Variants in ZNF730 observed in about 807,000 individuals in gnomAD.
ZNF730 encodes the protein zinc finger protein 730.
A neutral mutation model predicts 12.6 loss-of-function variants in ZNF730; 12 were observed. That is an observed-to-expected ratio of 0.95 (90% CI 0.61 to 1.54). ZNF730 has a LOEUF of 1.54. Ranked by LOEUF, ZNF730 falls within the 40% of genes most tolerant of loss-of-function variation. The pLI is 0.00. For synonymous variants in ZNF730, 194 were observed against 195.8 expected (o/e 0.99, Z 0.08); for missense variants, 643 against 583.5 (o/e 1.10, Z -1.05).
chr19:23,134,256 T>G, intron 2 of ZNF730, 50 bp downstream of exon 2: 1 of 1,429,656 alleles, frequency 7.0e-7, no homozygotes, highest in Middle Eastern at 1.8e-4. Flanking sequence ...TAGATTTCAT[T>G]TATTTTTGTA....
At position 23,118,322 on chromosome 19, in the gene ZNF730, CA is replaced by C. The variant is rs531781350; in HGVS notation, c.3+1147del. ...CTCTTTTTCTTTTGTCTCCCCTAGG[CA>C]CAGAGATCTTGTGAAAGTGTTTTGG... On this transcript the variant is annotated intron_variant, in intron 1 of 3. Transcript: ENST00000597761. Among the ~76,000 whole-genome samples the C allele has an allele frequency of 9.3e-4, 141 of 151,516 alleles. 5 individuals are homozygous for C. In the South Asian group the frequency reaches 0.018, roughly 20 times the overall value.
chr19:23,122,667 G>C lies in ZNF730; in HGVS notation c.3+5491G>C, dbSNP rs1284273618. ...ATAGTGGAATCTGTAGGTGGACTTTGGTTTCTGTTACTTCAGAACAATTAG... is the reference window on the plus strand; with the variant it reads ...ATAGTGGAATCTGTAGGTGGACTTTCGTTTCTGTTACTTCAGAACAATTAG... On this transcript the variant is annotated intron_variant, in intron 1 of 3. Transcript: ENST00000597761. Among the ~76,000 whole-genome samples the C allele has an allele frequency of 4.6e-5, 7 of 152,158 alleles. No homozygotes were observed. The East Asian group carries it at 1.3e-3, about 29-fold the overall frequency.
Position 23,085,989 on chromosome 19 carries a change from C to T in ZNF730, c.-94+10602C>T, listed in dbSNP as rs544642054. ...CCTCCTGAGTAGTTGGGATTACAGG[C>T]GCCTGCCACCATGTCCAGCTAATTT... On this transcript the variant is annotated intron_variant, in intron 1 of 2. Coordinates refer to the ZNF730 transcript ENST00000593635. 7.9e-5 allele frequency among the ~76,000 whole-genome samples: 12 copies of T among 151,758 alleles called. No individual in the cohort carries two copies. In the South Asian group the frequency reaches 2.1e-3, roughly 26 times the overall value.
chr19:23,100,630 C>CT (rs201462781), intron 1 of ZNF730, among the ~76,000 whole-genome samples: 6 of 118,570 alleles, frequency 5.1e-5, no homozygotes, highest in African/African-American at 2.4e-4. Context: ...GATGGTGATT[C>CT]TTTTTTTTTT....
chr19:23,131,244 T>C (rs1462058913), intron 1 of ZNF730, among the ~76,000 whole-genome samples: 6 of 152,176 alleles, frequency 3.9e-5, no homozygotes, highest in Non-Finnish European at 8.8e-5. Context: ...ATTCTACACA[T>C]TTTTTTAAAA....
intron 3 of ZNF730, among the ~76,000 whole-genome samples, chr19:23,141,121 G>T (rs1970911424): frequency 6.6e-6 from 1 of 152,074 alleles, no homozygotes; most frequent in South Asian, 2.1e-4. Context: ...TAGGCTAGAT[G>T]TGGTGGCTCA....
chr19:23,136,038 C>T lies in ZNF730; in HGVS notation c.221C>T (p.Pro74Leu). The change falls in exon 3 of 4, where the codon CCC becomes CTC. Residue 74 changes from proline to leucine, a missense_variant. Coordinates refer to ENST00000597761, the MANE Select transcript of ZNF730 (RefSeq NM_001277403.2). ...AAGACACATGATATGGTAGCCAAAC[C>T]CCCAGGTAGGTGACAGTAAATACAA... ...NLKTHDMVAK[P>L]PVICSHIAQD... 1 of 1,595,482 alleles carries T rather than the reference C, an allele frequency of 6.3e-7. No homozygotes were observed. Among genetic ancestry groups the T allele is most frequent in the Non-Finnish European group, 8.5e-7 (1 of 1,171,128 alleles).
rs556123915 is a variant in ZNF730, at chr19:23,085,836, C to CTTTTTTTTTTTTTTTTTT, written c.-94+10459_-94+10476dup. 8.4e-4 allele frequency among the ~76,000 whole-genome samples: 46 copies of CTTTTTTTTTTTTTTTTTT among 54,854 alleles called. 11 individuals are homozygous for CTTTTTTTTTTTTTTTTTT. The highest frequency in any genetic ancestry group is 1.7e-3 in the African/African-American group (21 of 12,034). The allele number at this position is 54,854 out of a possible 152,430, so 36.0% of individuals were successfully genotyped here. ...GACCTATTTCACCCAATTTTTTTTT[C>CTTTTTTTTTTTTTTTTTT]TTTTTTTTTTTTTTTTTTTTTTTTT... On this transcript the variant is annotated intron_variant, in intron 1 of 2. Coordinates refer to the ZNF730 transcript ENST00000593635.
intron 2 of ZNF730, among the ~76,000 whole-genome samples, chr19:23,134,621 CG>C (rs1365176695): frequency 2.1e-5 from 3 of 146,068 alleles, no homozygotes; most frequent in African/African-American, 7.6e-5. Context: ...GCCCCCCGCC[CG>C]GCCAGCCGCC....
intron 1 of ZNF730, chr19:23,126,892 T>G: frequency 1.9e-6 from 1 of 529,624 alleles, no homozygotes. Context: ...GCAGCTTGAG[T>G]TTCTCTTAAG....
In ZNF730 at chr19:23,122,730, A is replaced by G. The variant is rs141435995; in HGVS notation, c.3+5554A>G. Among the ~76,000 whole-genome samples, 380 of 152,338 alleles carry G rather than the reference A, an allele frequency of 2.5e-3. 4 individuals are homozygous for G. Among genetic ancestry groups the G allele is most frequent in the African/African-American group, 8.5e-3 (352 of 41,576 alleles). ...TAGTGTTTGTAGACAACTTGCATTCACACAAATTAACATTTTGTATAATAG... is the reference window on the plus strand; with the variant it reads ...TAGTGTTTGTAGACAACTTGCATTCGCACAAATTAACATTTTGTATAATAG... On this transcript the variant is annotated intron_variant, in intron 1 of 3. Transcript: ENST00000597761.
upstream of ZNF730, among the ~76,000 whole-genome samples, chr19:23,113,140 G>GA (rs1970476959): frequency 6.6e-6 from 1 of 152,196 alleles, no homozygotes; most frequent in South Asian, 2.1e-4. Context: ...TGCACATGGA[G>GA]AAATACATTG....
Position 23,130,522 on chromosome 19 carries a change from G to A in ZNF730, c.4-3558G>A, listed in dbSNP as rs114849701. 4.6e-3 allele frequency among the ~76,000 whole-genome samples: 707 copies of A among 152,132 alleles called. 4 individuals carry two copies. The highest frequency in any genetic ancestry group is 0.016 in the African/African-American group (653 of 41,502). ...GCAAAAAAAACTTGGGCTTTATTTC[G>A]GCCATGTTCTTTATATTGTTGTGAC... On this transcript the variant is annotated intron_variant, in intron 1 of 3. Coordinates refer to ENST00000597761, the MANE Select transcript of ZNF730 (RefSeq NM_001277403.2).
chr19:23,099,463 A>G (rs1357173509), intron 1 of ZNF730, among the ~76,000 whole-genome samples: 1 of 152,208 alleles, frequency 6.6e-6, no homozygotes, highest in Non-Finnish European at 1.5e-5. Flanking sequence ...TCATCTGCTT[A>G]AATAAACACA....
At chr19:23,076,367 C>G (rs1969861073) in intron 1 of ZNF730, among the ~76,000 whole-genome samples, 1 of 152,286 alleles carries the variant, frequency 6.6e-6, no homozygotes, top group Admixed American at 6.5e-5. Context: ...TAAAAATTAT[C>G]TCTGCCTCTC....
chr19:23,128,461 A>C, intron 1 of ZNF730: 1 of 341,448 alleles, frequency 2.9e-6, no homozygotes, highest in South Asian at 3.7e-5. Context: ...GAACCATCCC[A>C]AAATGTCCCT....
Position 23,134,126 on chromosome 19 carries a change from A to G in ZNF730, c.50A>G (p.Glu17Gly). Residue 17 changes from glutamate to glycine, a missense_variant, in exon 2 of 4, where the codon GAG (glutamate) becomes GGG (glycine). Glu to Gly is a moderately conservative substitution (Grantham distance 98, BLOSUM62 -2). Coordinates refer to ENST00000597761, the MANE Select transcript of ZNF730 (RefSeq NM_001277403.2). ...GTGGCCATAGAATTCTCTCTGGAGG[A>G]GTGGCAATGTCTGGACACCGAACAA... Reference protein sequence around the residue: ...RDVAIEFSLEEWQCLDTEQQN... With the variant: ...RDVAIEFSLEGWQCLDTEQQN... 6.2e-7 allele frequency: 1 copy of G among 1,613,526 alleles called. No individual in the cohort carries two copies. The highest frequency in any genetic ancestry group is 8.5e-7 in the Non-Finnish European group (1 of 1,179,738).
At chr19:23,109,231 T>G (rs1196198600) in intron 1 of ZNF730, among the ~76,000 whole-genome samples, 3 of 152,230 alleles carry the variant, frequency 2.0e-5, no homozygotes, top group Non-Finnish European at 4.4e-5. Flanking sequence ...TCAAAATGTA[T>G]GAAATTTCCT....
At chr19:23,095,607 T>C (rs1970235966) in intron 1 of ZNF730, 1 of 394,850 alleles carries the variant, frequency 2.5e-6, no homozygotes, top group Non-Finnish European at 4.5e-6. Context: ...CATCATTCTT[T>C]AGTTTTGGCA....
Sources: allele counts gnomAD v4.1 joint callset (sites outside exome capture counted in the v4.1 genomes callset), GRCh38; gene constraint gnomAD v4.1.1; transcripts MANE v1.5; gene names NCBI Gene and HGNC (gene_info 2026-07-23, HGNC 2026-07-21).